Variants in CASP8 observed in about 807,000 individuals in gnomAD.
CASP8 encodes the protein caspase 8.
CASP8 carries 24 observed loss-of-function variants against 46.3 expected under a neutral mutation model. The ratio of observed to expected loss-of-function variants is 0.52; its 90% CI spans 0.38 to 0.73. The LOEUF is 0.73. Among genes scored for constraint, CASP8 ranks in the 30% least tolerant of loss-of-function variants. The pLI is 0.00. For missense variants in CASP8, 460 were observed against 559.0 expected, an observed-to-expected ratio of 0.82 and a Z score of 1.79; for synonymous variants, 188 against 200.4, an observed-to-expected ratio of 0.94 and a Z score of 0.52.
chr2:201,241,212 C>T (rs929065777), intron 2 of CASP8: 1 of 151,714 alleles, frequency 6.6e-6, no homozygotes, highest in African/African-American at 2.4e-5. Context: ...CAAGAAAATA[C>T]AGAATAGAAA....
chr2:201,267,870 C>A (rs558471808), intron 2 of CASP8, among the ~76,000 whole-genome samples: 35 of 152,312 alleles, frequency 2.3e-4, no homozygotes, highest in African/African-American at 8.4e-4. Context: ...CATGAATGCT[C>A]TGGTCTTTCT....
At chr2:201,281,202 T>C (rs1369915953) in intron 7 of CASP8, among the ~76,000 whole-genome samples, 3 of 152,096 alleles carry the variant, frequency 2.0e-5, no homozygotes, top group East Asian at 1.9e-4. Context: ...TAGTCCCACC[T>C]GCTTGGGAGG....
Position 201,266,859 on chromosome 2 carries a change from G to A in CASP8, c.305+68G>A, listed in dbSNP as rs576592083. 311 of 1,274,544 alleles carry A rather than the reference G, an allele frequency of 2.4e-4. 6 individuals are homozygous for A. The South Asian group carries it at 3.6e-3, about 15-fold the overall frequency. 79.0% of individuals were successfully genotyped at this position (1,274,544 alleles called of 1,614,324 possible). ...AATGGACAGCCTCTGAGCTGATTGG[G>A]GCTTTTTTTTGTGGTACCCTGCCTA... On this transcript the variant is annotated intron_variant, in intron 2 of 8. Coordinates refer to ENST00000673742, the MANE Select transcript of CASP8 (RefSeq NM_001372051.1). The surrounding 1 kb of genome is among the most constrained non-coding windows in gnomAD (Gnocchi z 5.7).
chr2:201,267,728 A>C (rs35768678), intron 2 of CASP8, among the ~76,000 whole-genome samples: 4 of 152,330 alleles, frequency 2.6e-5, no homozygotes, highest in Non-Finnish European at 4.4e-5. Context: ...CTTTGCTTTC[A>C]GGAAACTTCT....
chr2:201,255,003 G>T (rs1171371775), intron 2 of CASP8, among the ~76,000 whole-genome samples: 1 of 152,218 alleles, frequency 6.6e-6, no homozygotes, highest in Non-Finnish European at 1.5e-5. Flanking sequence ...TGAGAAGTTG[G>T]TTACAGCAAA....
At chr2:201,278,822 G>A (rs1035024501) in intron 7 of CASP8, among the ~76,000 whole-genome samples, 2 of 152,164 alleles carry the variant, frequency 1.3e-5, no homozygotes, top group Non-Finnish European at 2.9e-5. Context: ...GTGAGCCACT[G>A]CACCTGGCTG....
chr2:201,270,829 C>CA (rs1173774834), intron 2 of CASP8, among the ~76,000 whole-genome samples: 2 of 152,186 alleles, frequency 1.3e-5, no homozygotes, highest in Non-Finnish European at 2.9e-5. Context: ...ACCACTGCAC[C>CA]AGGCCAACAG....
At chr2:201,253,643 T>C (rs1169013144) in intron 2 of CASP8, among the ~76,000 whole-genome samples, 1 of 152,126 alleles carries the variant, frequency 6.6e-6, no homozygotes, top group Non-Finnish European at 1.5e-5. Context: ...AATTTTATGG[T>C]ATATATATTT....
chr2:201,277,220 GA>G (rs1324934903), intron 7 of CASP8: 7 of 322,704 alleles, frequency 2.2e-5, no homozygotes, highest in African/African-American at 1.5e-4. Context: ...AAGACATAAT[GA>G]AAAGCAGTAA....
intron 2 of CASP8, among the ~76,000 whole-genome samples, chr2:201,235,857 A>AGATAT (rs1418997720): frequency 6.6e-6 from 1 of 152,238 alleles, no homozygotes; most frequent in Non-Finnish European, 1.5e-5. Context: ...AGATATATTT[A>AGATAT]GATATGCAAA....
intron 7 of CASP8, chr2:201,278,309 C>T (rs8179786): frequency 0.44 from 66,150 of 151,854 alleles, 16,482 homozygotes; most frequent in Non-Finnish European, 0.57. Flanking sequence ...AAGTAGGAGA[C>T]CCAGCTGCAG....
chr2:201,239,183 G>A (rs762571950), intron 2 of CASP8, among the ~76,000 whole-genome samples: 13 of 152,310 alleles, frequency 8.5e-5, no homozygotes, highest in Admixed American at 1.3e-4. Context: ...ACACAGACAC[G>A]GCAACCATCC....
intron 5 of CASP8, among the ~76,000 whole-genome samples, chr2:201,273,977 A>G (rs1361484706): frequency 6.6e-6 from 1 of 152,176 alleles, no homozygotes; most frequent in Non-Finnish European, 1.5e-5. Context: ...ATTCTTTCTG[A>G]TTAGAAAAAT....
intron 2 of CASP8, among the ~76,000 whole-genome samples, chr2:201,247,829 G>A (rs932858671): frequency 5.9e-5 from 9 of 152,004 alleles, no homozygotes; most frequent in Non-Finnish European, 1.0e-4. Context: ...TATTTTTAGT[G>A]GAGACAGCGT....
intron 1 of CASP8, among the ~76,000 whole-genome samples, chr2:201,262,925 A>G (rs10084426): frequency 0.086 from 13,032 of 152,258 alleles, 1,023 homozygotes; most frequent in African/African-American, 0.21. Flanking sequence ...AAGGCTGACT[A>G]TCATCTGACA....
At chr2:201,238,326 A>C (rs3769826) in intron 2 of CASP8, among the ~76,000 whole-genome samples, 78,917 of 152,048 alleles carry the variant, frequency 0.52, 21,090 homozygotes, top group African/African-American at 0.62. Context: ...ATATCATTTA[A>C]ATTTTCTAAA....
intron 2 of CASP8, among the ~76,000 whole-genome samples, chr2:201,253,635 T>C (rs559944766): frequency 6.6e-6 from 1 of 152,286 alleles, no homozygotes; most frequent in African/African-American, 2.4e-5. Flanking sequence ...CAATGGTAAA[T>C]TTTATGGTAT....
At position 201,247,650 on chromosome 2, in the gene CASP8, T is replaced by C. The variant is rs185198874; in HGVS notation, c.-27+13538T>C. Among the ~76,000 whole-genome samples, 366 of 151,460 alleles carry C rather than the reference T, an allele frequency of 2.4e-3. 2 individuals carry two copies. The highest frequency in any genetic ancestry group is 6.8e-3 in the Middle Eastern group (2 of 294). ...TGTGCCACCATTCCTGGCTAATTCT[T>C]GTATTTTTTTTTGAGATGGAGTCTC... is the stretch of plus-strand genomic sequence containing the variant. On this transcript the variant is annotated intron_variant, in intron 2 of 6. Coordinates refer to the CASP8 transcript ENST00000264274.
At chr2:201,249,043 C>G (rs1946657966) in intron 2 of CASP8, among the ~76,000 whole-genome samples, 1 of 152,170 alleles carries the variant, frequency 6.6e-6, no homozygotes, top group African/African-American at 2.4e-5. Context: ...AGGTGCCCCC[C>G]ACCATGCCCA....
Sources: gnomAD v4.1 joint callset for allele counts (sites outside exome capture counted in the v4.1 genomes callset) on GRCh38, gnomAD v4.1.1 for gene constraint, Gnocchi (gnomAD v3.1) non-coding constraint, MANE v1.5 for transcripts, NCBI Gene and HGNC (gene_info 2026-07-23, HGNC 2026-07-21) for gene names.